The following CTNNA3 variants were observed in gnomAD, a reference collection of about 807,000 sequenced individuals.
The protein encoded by CTNNA3 is catenin alpha-3.
In CTNNA3, 76 loss-of-function variants were observed where a neutral mutation model predicts 95.7. The observed-to-expected ratio is 0.79, with a 90% CI of 0.66 to 0.96. The LOEUF is 0.96. Among genes scored for constraint, CTNNA3 ranks in the 40% least tolerant of loss-of-function variants. CTNNA3 has a pLI of 0.00. For synonymous variants in CTNNA3, 431 were observed against 374.4 expected (o/e 1.15, Z -1.74); for missense variants, 1,191 against 1,089.8 (o/e 1.09, Z -1.31).
chr10:66,506,181 C>T (rs1840444511), intron 11 of CTNNA3, among the ~76,000 whole-genome samples: 1 of 152,094 alleles, frequency 6.6e-6, no homozygotes, highest in Non-Finnish European at 1.5e-5. Context: ...AGGATTGCTC[C>T]AAGCTGTTCA....
At chr10:66,710,714 A>G (rs1217193382) in intron 9 of CTNNA3, among the ~76,000 whole-genome samples, 1 of 151,960 alleles carries the variant, frequency 6.6e-6, no homozygotes, top group Non-Finnish European at 1.5e-5. Context: ...GTGATAATAT[A>G]TATTCTAGAC....
intron 3 of CTNNA3, among the ~76,000 whole-genome samples, chr10:67,582,103 G>T (rs11525236): frequency 0.13 from 18,436 of 143,386 alleles, 1,410 homozygotes; most frequent in East Asian, 0.29. Context: ...TTCTGCTAGC[G>T]TTTGAATGTG....
intron 13 of CTNNA3, among the ~76,000 whole-genome samples, chr10:66,150,996 T>C: frequency 6.6e-6 from 1 of 152,054 alleles, no homozygotes; most frequent in Admixed American, 6.6e-5. Flanking sequence ...AATTTATATA[T>C]TTGCATTTCT....
chr10:66,384,913 A>T (rs1225769730), intron 11 of CTNNA3, among the ~76,000 whole-genome samples: 3 of 152,228 alleles, frequency 2.0e-5, no homozygotes. Context: ...GACACAACAT[A>T]CCAGAATCTC....
chr10:65,953,890 G>A (rs2077674004), intron 17 of CTNNA3, among the ~76,000 whole-genome samples: 1 of 152,012 alleles, frequency 6.6e-6, no homozygotes, highest in African/African-American at 2.4e-5. Context: ...TACTCCTTTG[G>A]GTATATACCC....
At chr10:66,038,257 G>A (rs922230653) in intron 15 of CTNNA3, among the ~76,000 whole-genome samples, 31 of 152,218 alleles carry the variant, frequency 2.0e-4, no homozygotes, top group African/African-American at 6.5e-4. Context: ...CTTACTTGAA[G>A]TGTGTTCCTT....
intron 1 of CTNNA3, among the ~76,000 whole-genome samples, chr10:67,726,505 T>TATTATAC (rs1841224231): frequency 1.5e-5 from 1 of 66,280 alleles, no homozygotes; most frequent in African/African-American, 6.4e-5. Flanking sequence ...ATATATAATA[T>TATTATAC]ATTATATATT....
intron 7 of CTNNA3, among the ~76,000 whole-genome samples, chr10:67,125,101 CTGTT>C (rs1564907882): frequency 1.3e-5 from 2 of 152,302 alleles, no homozygotes; most frequent in East Asian, 3.9e-4. Context: ...TTGCTTTTAC[CTGTT>C]TGTTTCACAA....
intron 11 of CTNNA3, among the ~76,000 whole-genome samples, chr10:66,494,940 G>A (rs116650954): frequency 2.0e-3 from 309 of 152,284 alleles, no homozygotes; most frequent in African/African-American, 7.2e-3. Context: ...GAGCACACAC[G>A]ATAGAATGTG....
At chr10:66,538,799 T>C (rs1459905335) in intron 10 of CTNNA3, among the ~76,000 whole-genome samples, 6 of 152,198 alleles carry the variant, frequency 3.9e-5, no homozygotes, top group Non-Finnish European at 4.4e-5. Flanking sequence ...AAACAAATTC[T>C]ATCCTAGCTA....
intron 7 of CTNNA3, among the ~76,000 whole-genome samples, chr10:66,814,027 A>G (rs1031792724): frequency 2.6e-5 from 4 of 152,192 alleles, no homozygotes; most frequent in African/African-American, 7.2e-5. Flanking sequence ...AATATATTCA[A>G]TAAGACTGAA....
chr10:66,675,293 C>G (rs925629160), intron 9 of CTNNA3, among the ~76,000 whole-genome samples: 3 of 151,824 alleles, frequency 2.0e-5, no homozygotes, highest in Non-Finnish European at 2.9e-5. Context: ...TGATGTTACC[C>G]TTCCTATTTT....
chr10:67,290,956 G>A (rs1228103749), intron 5 of CTNNA3, among the ~76,000 whole-genome samples: 1 of 152,114 alleles, frequency 6.6e-6, no homozygotes, highest in Non-Finnish European at 1.5e-5. Context: ...GGGTGATGTT[G>A]AGTTTGCTTA....
chr10:66,619,318 C>G lies in CTNNA3; in HGVS notation c.1374+2374G>C, dbSNP rs573481769. Among the ~76,000 whole-genome samples, 582 of 150,792 alleles carry G rather than the reference C, an allele frequency of 3.9e-3. 6 individuals are homozygous for G. Among genetic ancestry groups the G allele is most frequent in the African/African-American group, 0.013 (544 of 41,128 alleles). On this transcript the variant is annotated intron_variant, in intron 10 of 17. Transcript: ENST00000433211. ...AAAGACTTGGAACAAACCCAAATGT[C>G]CAACAACGATAGACTGGATTAAGAA...
At chr10:66,967,335 T>C (rs1849481421) in intron 7 of CTNNA3, among the ~76,000 whole-genome samples, 1 of 140,064 alleles carries the variant, frequency 7.1e-6, no homozygotes, top group Non-Finnish European at 1.6e-5. Context: ...GATATAGACA[T>C]ATATATATAT....
chr10:66,791,854 G>A lies in CTNNA3; in HGVS notation c.1048-16330C>T, dbSNP rs77105795. Among the ~76,000 whole-genome samples the A allele has an allele frequency of 1.1e-4, 17 of 152,232 alleles. No homozygotes were observed. In the East Asian group the frequency reaches 2.9e-3, roughly 26 times the overall value. ...TTGTGAAAGATACTGTCTTATCAAA[G>A]CTCATTTCTATATCGTTGGGTTATA... On this transcript the variant is annotated intron_variant, in intron 7 of 17. Transcript: ENST00000433211.
intron 7 of CTNNA3, among the ~76,000 whole-genome samples, chr10:66,790,396 A>T (rs1205913847): frequency 6.6e-6 from 1 of 152,046 alleles, no homozygotes; most frequent in African/African-American, 2.4e-5. Context: ...AGCCGAGATA[A>T]CAGTGAGCCG....
chr10:66,020,968 C>T (rs1050396759), intron 15 of CTNNA3, among the ~76,000 whole-genome samples: 7 of 152,070 alleles, frequency 4.6e-5, no homozygotes, highest in African/African-American at 7.2e-5. Flanking sequence ...CCACTGCATC[C>T]GGCCGATGAT....
chr10:66,895,979 C>T (rs1459226466), intron 7 of CTNNA3, among the ~76,000 whole-genome samples: 2 of 151,092 alleles, frequency 1.3e-5, no homozygotes, highest in Non-Finnish European at 2.9e-5. Context: ...TGCCTGTAAT[C>T]CAAGCTACTT....
Sources: gnomAD v4.1 joint callset for allele counts (sites outside exome capture counted in the v4.1 genomes callset) on GRCh38, gnomAD v4.1.1 for gene constraint, MANE v1.5 for transcripts, NCBI Gene and HGNC (gene_info 2026-07-23, HGNC 2026-07-21) for gene names.